Variants in VPS37A observed in about 807,000 individuals in gnomAD.
VPS37A encodes the protein vacuolar protein sorting-associated protein 37A.
VPS37A carries 30 observed loss-of-function variants against 49.8 expected under a neutral mutation model. That is an observed-to-expected ratio of 0.60 (90% confidence interval 0.45 to 0.82). The LOEUF (loss-of-function observed/expected upper bound fraction) is 0.82, where lower values mean the gene tolerates loss of function less well. Ranked by LOEUF, VPS37A falls within the 40% of genes least tolerant of loss-of-function variation. VPS37A has a pLI of 0.00. For missense variants in VPS37A, 593 were observed against 464.4 expected, an observed-to-expected ratio of 1.28 and a Z score of -2.55; for synonymous variants, 195 against 160.6, an observed-to-expected ratio of 1.21 and a Z score of -1.62.
chr8:17,313,943 G>A, the VPS37A span, among the ~76,000 whole-genome samples: 130 of 152,276 alleles, frequency 8.5e-4, no homozygotes, highest in South Asian at 4.1e-4. Context: ...AGTAAGGCCT[G>A]TAAGCTTAAA....
At chr8:17,303,277 T>C (rs1157759389), downstream of VPS37A, among the ~76,000 whole-genome samples, 1 of 152,190 alleles carries the variant, frequency 6.6e-6, no homozygotes, top group Non-Finnish European at 1.5e-5. Flanking sequence ...TTGTCTTACA[T>C]GCACTATGGA....
chr8:17,260,425 G>A (rs967318557), intron 1 of VPS37A, among the ~76,000 whole-genome samples: 1 of 152,066 alleles, frequency 6.6e-6, no homozygotes, highest in Non-Finnish European at 1.5e-5. Context: ...ACAGGTGGTT[G>A]TAGCTATTGT....
intron 11 of VPS37A, among the ~76,000 whole-genome samples, chr8:17,292,581 T>G (rs560620206): frequency 6.6e-6 from 1 of 152,312 alleles, no homozygotes; most frequent in Non-Finnish European, 1.5e-5. Context: ...TTGGTTTGAT[T>G]TTGCAGTGGC....
intron 1 of VPS37A, among the ~76,000 whole-genome samples, chr8:17,256,463 T>C (rs1415936577): frequency 6.6e-6 from 1 of 151,670 alleles, no homozygotes; most frequent in Non-Finnish European, 1.5e-5. Context: ...TTTGTTGAGA[T>C]CTTTTGCCAA....
intron 1 of VPS37A, among the ~76,000 whole-genome samples, chr8:17,265,499 C>T (rs1467621720): frequency 2.0e-5 from 3 of 152,160 alleles, no homozygotes; most frequent in Non-Finnish European, 2.9e-5. Context: ...TAAGTTCAAG[C>T]TGTTAAGACC....
At chr8:17,313,505 G>A in the VPS37A span, 1 of 683,566 alleles carries the variant, frequency 1.5e-6, no homozygotes, top group Non-Finnish European at 2.4e-6. Context: ...TGTTGTATTA[G>A]GTATTTTCTG....
the VPS37A span, among the ~76,000 whole-genome samples, chr8:17,313,860 A>G: frequency 6.6e-6 from 1 of 152,198 alleles, no homozygotes; most frequent in Non-Finnish European, 1.5e-5. Flanking sequence ...GTAAAAACAC[A>G]AGACAGAGCG....
At chr8:17,316,683 T>C in the VPS37A span, among the ~76,000 whole-genome samples, 7 of 152,066 alleles carry the variant, frequency 4.6e-5, no homozygotes, top group East Asian at 3.9e-4. Context: ...CAAAAAATAA[T>C]GGTAATAGAA....
intron 11 of VPS37A, among the ~76,000 whole-genome samples, chr8:17,294,152 A>G (rs968861229): frequency 6.6e-6 from 1 of 152,204 alleles, no homozygotes; most frequent in Non-Finnish European, 1.5e-5. Context: ...TGCCCTGCCC[A>G]GAGAGGAGGA....
At chr8:17,284,653 T>C in intron 10 of VPS37A, 37 bp downstream of exon 10, 1 of 1,548,916 alleles carries the variant, frequency 6.5e-7, no homozygotes, top group Non-Finnish European at 8.6e-7. Context: ...AAGTATTGGA[T>C]AAAGTTTGGT....
the VPS37A span, chr8:17,326,577 T>C: frequency 6.6e-6 from 1 of 152,158 alleles, no homozygotes; most frequent in African/African-American, 2.4e-5. Flanking sequence ...GGAAAGGATG[T>C]TTTTAAAAGA....
At chr8:17,274,512 G>T (rs1814315744) in intron 4 of VPS37A, among the ~76,000 whole-genome samples, 1 of 149,664 alleles carries the variant, frequency 6.7e-6, no homozygotes. Flanking sequence ...CTTCTTTGTA[G>T]AAACCACAAT....
intron 1 of VPS37A, among the ~76,000 whole-genome samples, chr8:17,251,385 G>C (rs1041973695): frequency 3.9e-5 from 6 of 152,184 alleles, no homozygotes; most frequent in African/African-American, 1.4e-4. Context: ...TTCCTGTCAT[G>C]CAGGATTTTT....
chr8:17,270,451 C>T (rs148308057), intron 4 of VPS37A, among the ~76,000 whole-genome samples: 2 of 152,242 alleles, frequency 1.3e-5, no homozygotes, highest in Non-Finnish European at 2.9e-5. Context: ...TCCATGTGAC[C>T]TGCGCTTCCT....
At chr8:17,275,418 T>G (rs1814428196) in intron 5 of VPS37A, among the ~76,000 whole-genome samples, 1 of 152,192 alleles carries the variant, frequency 6.6e-6, no homozygotes, top group African/African-American at 2.4e-5. Context: ...ACATAAGGCA[T>G]TCTTTGAGAG....
At chr8:17,273,800 C>G (rs1814241901) in intron 4 of VPS37A, among the ~76,000 whole-genome samples, 1 of 151,930 alleles carries the variant, frequency 6.6e-6, no homozygotes, top group Non-Finnish European at 1.5e-5. Context: ...TTTCTTCCCA[C>G]AAAATTTCCA....
At chr8:17,265,527 C>T (rs943619466) in intron 1 of VPS37A, among the ~76,000 whole-genome samples, 10 of 152,142 alleles carry the variant, frequency 6.6e-5, no homozygotes, top group African/African-American at 2.2e-4. Context: ...CCCCAGCTGC[C>T]GATATTGCTT....
At chr8:17,266,520 C>G (rs1295326809) in intron 2 of VPS37A, among the ~76,000 whole-genome samples, 1 of 152,100 alleles carries the variant, frequency 6.6e-6, no homozygotes, top group Admixed American at 6.6e-5. Context: ...GCAATTTAGC[C>G]TTAAATGCAG....
downstream of VPS37A, chr8:17,299,954 T>G: frequency 6.2e-7 from 1 of 1,614,150 alleles, no homozygotes; most frequent in Non-Finnish European, 8.5e-7. Flanking sequence ...GACCGACAGC[T>G]CAAATCCTCC....
Sources: allele counts gnomAD v4.1 joint callset (sites outside exome capture counted in the v4.1 genomes callset), GRCh38; gene constraint gnomAD v4.1.1; transcripts MANE v1.5; gene names NCBI Gene and HGNC (gene_info 2026-07-23, HGNC 2026-07-21).